Variants in ZPBP observed in about 807,000 individuals in gnomAD.
ZPBP encodes the protein zona pellucida binding protein.
A neutral mutation model predicts 44.8 loss-of-function variants in ZPBP; 26 were observed. The observed-to-expected ratio is 0.58, with a 90% CI of 0.43 to 0.81. The LOEUF is 0.81. Among genes scored for constraint, ZPBP ranks in the 30% least tolerant of loss-of-function variants. The probability of loss-of-function intolerance (pLI) is 0.00; values close to 1 mark genes in which losing one functional copy is unlikely to be tolerated. For synonymous variants in ZPBP, 174 were observed against 153.2 expected (o/e 1.14, Z -1.00); for missense variants, 409 against 434.0 (o/e 0.94, Z 0.51).
chr7:49,980,119 ATAT>A (rs1190993492), intron 7 of ZPBP, among the ~76,000 whole-genome samples: 11 of 104,876 alleles, frequency 1.0e-4, no homozygotes, highest in Admixed American at 1.4e-4. Flanking sequence ...ATATAATTTT[ATAT>A]TATAATTATA....
intron 7 of ZPBP, among the ~76,000 whole-genome samples, chr7:49,982,277 T>A (rs71538361): frequency 0.51 from 54,565 of 107,348 alleles, 14,549 homozygotes; most frequent in East Asian, 0.7. Context: ...TATATATAAT[T>A]TATAATTATA....
chr7:50,068,522 G>A (rs2128839547), intron 3 of ZPBP, among the ~76,000 whole-genome samples: 1 of 151,670 alleles, frequency 6.6e-6, no homozygotes, highest in African/African-American at 2.4e-5. Flanking sequence ...TCTAGCCTCA[G>A]CCGGCTTTCA....
intron 2 of ZPBP, among the ~76,000 whole-genome samples, chr7:49,873,040 C>T (rs1323438660): frequency 6.7e-6 from 1 of 149,154 alleles, no homozygotes; most frequent in Non-Finnish European, 1.5e-5. Flanking sequence ...GTACTGATGA[C>T]AAGAATGATA....
Position 49,980,279 on chromosome 7 carries a change from T to C in ZPBP, c.961+3063A>G, listed in dbSNP as rs12669531. Among the ~76,000 whole-genome samples the C allele has an allele frequency of 9.0e-5, 8 of 89,042 alleles. No individual in the cohort carries two copies. In the East Asian group the frequency reaches 1.3e-3, roughly 15 times the overall value. 58.4% of individuals were successfully genotyped at this position (89,042 alleles called of 152,430 possible). A position where few individuals can be genotyped will look rare whatever the true frequency, so the allele number is the denominator to read the frequency against. On this transcript the variant is annotated intron_variant, in intron 7 of 7. Transcript: ENST00000046087. Reference sequence around the variant, plus strand: ...ATACATATAATATAAATATATAATATATATAATATAAATATATAATATATA... The same window carrying C: ...ATACATATAATATAAATATATAATACATATAATATAAATATATAATATATA...
At chr7:49,948,251 T>C (rs1795187738) in intron 7 of ZPBP, among the ~76,000 whole-genome samples, 1 of 152,174 alleles carries the variant, frequency 6.6e-6, no homozygotes, top group Non-Finnish European at 1.5e-5. Flanking sequence ...GTGTGGACAG[T>C]TGTTCAATTT....
chr7:49,880,578 T>A (rs944655254), intron 2 of ZPBP, among the ~76,000 whole-genome samples: 9 of 151,356 alleles, frequency 5.9e-5, no homozygotes, highest in African/African-American at 2.2e-4. Context: ...TTCTATTTTT[T>A]ATTTTTATTT....
At chr7:49,858,566 A>AG (rs1331049556) in intron 2 of ZPBP, among the ~76,000 whole-genome samples, 1 of 50,614 alleles carries the variant, frequency 2.0e-5, no homozygotes, top group Non-Finnish European at 3.7e-5. Context: ...GGGGTGGGGG[A>AG]GGGGGGAGGG....
intron 1 of ZPBP, among the ~76,000 whole-genome samples, chr7:50,090,649 A>AGG (rs1802940729): frequency 6.6e-6 from 1 of 151,182 alleles, no homozygotes; most frequent in African/African-American, 2.4e-5. Context: ...ACACACATGC[A>AGG]CACACACACA....
intron 3 of ZPBP, among the ~76,000 whole-genome samples, chr7:50,076,441 A>G (rs572480225): frequency 1.3e-5 from 2 of 152,086 alleles, no homozygotes; most frequent in East Asian, 3.9e-4. Flanking sequence ...ATAGATACAA[A>G]GGCATCCAAA....
At chr7:50,088,932 C>T (rs922666061) in intron 2 of ZPBP, among the ~76,000 whole-genome samples, 1 of 151,952 alleles carries the variant, frequency 6.6e-6, no homozygotes, top group Non-Finnish European at 1.5e-5. Context: ...AGTATTGATG[C>T]ACTCTATAAC....
chr7:49,926,407 G>A (rs1272385262), intron 1 of ZPBP, among the ~76,000 whole-genome samples: 1 of 152,168 alleles, frequency 6.6e-6, no homozygotes, highest in Non-Finnish European at 1.5e-5. Context: ...CTAGCAGTAA[G>A]TTTGCCCAAA....
downstream of ZPBP, among the ~76,000 whole-genome samples, chr7:49,846,906 A>G (rs1789964770): frequency 6.6e-6 from 1 of 152,174 alleles, no homozygotes; most frequent in African/African-American, 2.4e-5. Flanking sequence ...TATGATACAA[A>G]TATCTGATTG....
chr7:49,865,286 C>T (rs1790831739), intron 2 of ZPBP, among the ~76,000 whole-genome samples: 1 of 152,108 alleles, frequency 6.6e-6, no homozygotes, highest in Non-Finnish European at 1.5e-5. Context: ...ATCTGAGTAC[C>T]TTGGATCAAG....
intron 5 of ZPBP, among the ~76,000 whole-genome samples, chr7:50,029,257 G>A (rs998018327): frequency 2.0e-5 from 3 of 152,156 alleles, no homozygotes; most frequent in South Asian, 4.1e-4. Context: ...TTCAACAAAT[G>A]TTCTTGGACA....
intron 2 of ZPBP, among the ~76,000 whole-genome samples, chr7:49,853,532 G>GT (rs1434450851): frequency 6.6e-6 from 1 of 151,510 alleles, no homozygotes; most frequent in Non-Finnish European, 1.5e-5. Context: ...CTAAGTTTTT[G>GT]GTTTTTTTTT....
chr7:50,039,544 A>G (rs1584098932), intron 4 of ZPBP, among the ~76,000 whole-genome samples: 1 of 152,280 alleles, frequency 6.6e-6, no homozygotes, highest in African/African-American at 2.4e-5. Context: ...AAGAATTTAT[A>G]TATAACATAT....
At chr7:49,885,062 T>A in intron 2 of ZPBP, among the ~76,000 whole-genome samples, 1 of 152,260 alleles carries the variant, frequency 6.6e-6, no homozygotes, top group Non-Finnish European at 1.5e-5. Flanking sequence ...TGCAACTTTT[T>A]AAATATTTGG....
At chr7:50,030,437 G>C (rs1360771231) in intron 5 of ZPBP, among the ~76,000 whole-genome samples, 1 of 151,596 alleles carries the variant, frequency 6.6e-6, no homozygotes, top group African/African-American at 2.4e-5. Flanking sequence ...AAAAAAGAAA[G>C]AGAAGGGAAA....
In ZPBP at chr7:49,991,374, A is replaced by G. The variant is rs142696452; in HGVS notation, c.784-7855T>C. On this transcript the variant is annotated intron_variant, in intron 6 of 7. Transcript: ENST00000046087. ...TCTCATATTACTGAATTAGGCGGAGATATATGAGATTGAGCTAAATTTGAG... is the reference window on the plus strand; with the variant it reads ...TCTCATATTACTGAATTAGGCGGAGGTATATGAGATTGAGCTAAATTTGAG... Among the ~76,000 whole-genome samples the G allele has an allele frequency of 2.3e-3, 344 of 152,278 alleles. 3 individuals are homozygous for G. Among genetic ancestry groups the G allele is most frequent in the African/African-American group, 7.9e-3 (329 of 41,560 alleles).
Sources: gnomAD v4.1 joint callset for allele counts (sites outside exome capture counted in the v4.1 genomes callset) on GRCh38, gnomAD v4.1.1 for gene constraint, MANE v1.5 for transcripts, NCBI Gene and HGNC (gene_info 2026-07-23, HGNC 2026-07-21) for gene names.